The following STATH variants were observed in gnomAD, a reference collection of about 807,000 sequenced individuals.
The protein encoded by STATH is statherin.
STATH carries 11 observed loss-of-function variants against 13.3 expected under a neutral mutation model. The ratio of observed to expected loss-of-function variants is 0.83; its 90% CI spans 0.52 to 1.37. STATH has a LOEUF of 1.37. STATH is among the 40% of genes most tolerant of loss of function. The probability of loss-of-function intolerance (pLI) is 0.00; values close to 1 mark genes in which losing one functional copy is unlikely to be tolerated. For missense variants in STATH, 78 were observed against 73.3 expected (o/e 1.06, Z -0.24); for synonymous variants, 25 against 23.6 (o/e 1.06, Z -0.17).
rs190082343 is a variant in STATH at position 69,999,705 on chromosome 4, A to C, written c.72+18A>C. The C allele has an allele frequency of 5.7e-4, 918 of 1,611,490 alleles. 2 individuals carry two copies. Among genetic ancestry groups the C allele is most frequent in the Non-Finnish European group, 2.4e-4 (279 of 1,178,808 alleles). On this transcript the variant is annotated intron_variant, in intron 3 of 5. Transcript: ENST00000246895. ...CTGAAGAGGTGAGTCATTTTCATTC[A>C]CTGGAAAACTTGTTTTCAGTTTTGT...
chr4:69,999,860 A>T, intron 4 of STATH, 51 bp downstream of exon 4: 1 of 1,592,250 alleles, frequency 6.3e-7, no homozygotes, highest in Non-Finnish European at 8.6e-7. Flanking sequence ...GTGTTCTCTG[A>T]TTACTTATTC....
intron 4 of STATH, 116 bp downstream of exon 4, chr4:69,999,925 G>T: frequency 8.4e-7 from 1 of 1,196,360 alleles, no homozygotes; most frequent in Non-Finnish European, 1.2e-6. Context: ...GCAAAAGTGT[G>T]CTTTGTTTTC....
At chr4:69,996,110 G>A (rs879778566) in intron 1 of STATH, 85 bp downstream of exon 1, 2 of 152,106 alleles carry the variant, frequency 1.3e-5, no homozygotes, top group African/African-American at 4.8e-5. Flanking sequence ...TTATAAAAAT[G>A]TGTATTTATG....
chr4:70,000,701 T>C (rs1660716657), intron 4 of STATH, 162 bp from the exon 5 acceptor site: 1 of 591,300 alleles, frequency 1.7e-6, no homozygotes, highest in African/African-American at 1.9e-5. Context: ...TTTTAAAATG[T>C]GTTTATAACC....
At chr4:70,000,400 G>T (rs1344867774) in intron 4 of STATH, 1 of 161,630 alleles carries the variant, frequency 6.2e-6, no homozygotes, top group Non-Finnish European at 1.4e-5. Context: ...AGGGATGATG[G>T]TTATTTGTGT....
chr4:70,000,443 A>T (rs1724626338), intron 4 of STATH: 1 of 166,584 alleles, frequency 6.0e-6, no homozygotes, highest in African/African-American at 2.4e-5. Flanking sequence ...GGAATGTAGG[A>T]ATCGTAAGAG....
intron 5 of STATH, among the ~76,000 whole-genome samples, chr4:70,001,544 A>G (rs1204191142): frequency 6.6e-6 from 1 of 151,826 alleles, no homozygotes; most frequent in African/African-American, 2.4e-5. Flanking sequence ...CTGAGCAATT[A>G]CTATAGAAAT....
chr4:69,999,230 A>T (rs1291907547), intron 2 of STATH: 1 of 158,596 alleles, frequency 6.3e-6, no homozygotes, highest in African/African-American at 2.4e-5. Context: ...ATACCACATT[A>T]TTTGTTATAA....
intron 2 of STATH, chr4:69,998,933 C>T (rs1467936382): frequency 1.3e-5 from 2 of 152,894 alleles, no homozygotes; most frequent in African/African-American, 4.8e-5. Context: ...AATTATTTAG[C>T]ACACACTTTC....
rs144461948 is a variant in STATH at position 69,998,446 on chromosome 4, C to T, written c.9C>T (p.Phe3=). The T allele has an allele frequency of 6.2e-7, 1 of 1,612,142 alleles. No homozygotes were observed. Among genetic ancestry groups the T allele is most frequent in the East Asian group, 2.2e-5 (1 of 44,802 alleles). The change falls in exon 2 of 6, where the codon TTC becomes TTT. Residue 3 remains phenylalanine, a synonymous_variant. Transcript: ENST00000246895. ...AGAGAACCCAGCCAACTATGAAGTTCCTTGTCTTTGCCTTCATCTTGGCTC... is the reference window on the plus strand; with the variant it reads ...AGAGAACCCAGCCAACTATGAAGTTTCTTGTCTTTGCCTTCATCTTGGCTC... MK[F]LVFAFILALM...
chr4:70,000,710 C>G lies in STATH; in HGVS notation c.103-153C>G, dbSNP rs1724633554. The G allele has an allele frequency of 6.5e-6, 4 of 611,776 alleles. No individual in the cohort carries two copies. The Admixed American group carries it at 1.2e-4, about 18-fold the overall frequency. The allele number at this position is 611,776 out of a possible 1,614,324, so 37.9% of individuals were successfully genotyped here. On this transcript the variant is annotated intron_variant, in intron 4 of 5. Transcript: ENST00000246895. ...ACCTGCTTTTAAAATGTGTTTATAA[C>G]CAAAAAGAAAAATCTAATTGAAAGT...
intron 4 of STATH, 94 bp from the exon 5 acceptor site, chr4:70,000,769 C>T: frequency 1.1e-6 from 1 of 899,380 alleles, no homozygotes. Context: ...TATGTAAGTT[C>T]CTAAAACTTT....
chr4:69,999,815 T>C lies in STATH; in HGVS notation c.102+6T>C. 6.2e-7 allele frequency: 1 copy of C among 1,611,914 alleles called. No individual in the cohort carries two copies. Among genetic ancestry groups the C allele is most frequent in the Non-Finnish European group, 8.5e-7 (1 of 1,178,774 alleles). Reference sequence around the variant, plus strand: ...GTAGAATTGGAAGATTCGGTGTAAGTGTTCTCTGATAATGCTGTGTAGTCC... The same window carrying C: ...GTAGAATTGGAAGATTCGGTGTAAGCGTTCTCTGATAATGCTGTGTAGTCC... On this transcript the variant is annotated splice_donor_region_variant and intron_variant, in intron 4 of 5. Coordinates refer to ENST00000246895, the MANE Select transcript of STATH (RefSeq NM_003154.3).
chr4:69,996,927 C>CTT (rs34282662), intron 1 of STATH, among the ~76,000 whole-genome samples: 1 of 107,584 alleles, frequency 9.3e-6, no homozygotes, highest in African/African-American at 3.6e-5. Context: ...CAGAAATTTC[C>CTT]TTTTTTTTTT....
At chr4:69,999,923 G>C in intron 4 of STATH, 114 bp downstream of exon 4, 1 of 1,229,928 alleles carries the variant, frequency 8.1e-7, no homozygotes, top group South Asian at 1.3e-5. Flanking sequence ...TTGCAAAAGT[G>C]TGCTTTGTTT....
intron 2 of STATH, 117 bp from the exon 3 acceptor site, chr4:69,999,550 C>G (rs1486277669): frequency 1.1e-6 from 1 of 944,610 alleles, no homozygotes; most frequent in African/African-American, 1.7e-5. Flanking sequence ...TAGTGTCTAT[C>G]GATGATTTGC....
rs2109685269 is a variant in STATH, at chr4:70,002,538, G to T, written c.*383G>T. 1 of 151,764 alleles carries T rather than the reference G, an allele frequency of 6.6e-6. No homozygotes were observed. The highest frequency in any genetic ancestry group is 1.9e-4 in the East Asian group (1 of 5,178). The allele number at this position is 151,764 out of a possible 1,614,324, so 9.4% of individuals were successfully genotyped here. ...CTTCTTTCCCAGTTTGACTAGCACAGATTGAAGCCCATAATGTCAGAGGTC... is the reference window on the plus strand; with the variant it reads ...CTTCTTTCCCAGTTTGACTAGCACATATTGAAGCCCATAATGTCAGAGGTC... On this transcript the variant is annotated 3_prime_UTR_variant, in exon 6 of 6. Transcript: ENST00000246895.
At chr4:69,999,476 C>G (rs1012283114) in intron 2 of STATH, among the ~76,000 whole-genome samples, 191 bp from the exon 3 acceptor site, 1 of 151,796 alleles carries the variant, frequency 6.6e-6, no homozygotes, top group Non-Finnish European at 1.5e-5. Context: ...ATATAGCACA[C>G]TAATTACAGA....
rs1387616872 is a variant in STATH, at chr4:70,000,844, T to A, written c.103-19T>A. 1.2e-6 allele frequency: 2 copies of A among 1,600,280 alleles called. No homozygotes were observed. Among genetic ancestry groups the A allele is most frequent in the South Asian group, 1.1e-5 (1 of 90,370 alleles). On this transcript the variant is annotated intron_variant, in intron 4 of 5. Transcript: ENST00000246895. ...TATCTCAATTTTCTGCAATTTTCTT[T>A]CTCCTTGTGTGTATACAGTATGGGT...
Sources: gnomAD v4.1 joint callset for allele counts (sites outside exome capture counted in the v4.1 genomes callset) on GRCh38, gnomAD v4.1.1 for gene constraint, MANE v1.5 for transcripts, NCBI Gene and HGNC (gene_info 2026-07-23, HGNC 2026-07-21) for gene names.